Variants in ANO2 observed in about 807,000 individuals in gnomAD.
ANO2 encodes the protein anoctamin-2.
A neutral mutation model predicts 124.2 loss-of-function variants in ANO2; 101 were observed. The ratio of observed to expected loss-of-function variants is 0.81; its 90% CI spans 0.69 to 0.96. The LOEUF (loss-of-function observed/expected upper bound fraction) is 0.96. Ranked by LOEUF, ANO2 falls within the 40% of genes least tolerant of loss-of-function variation. The pLI, the probability that ANO2 is intolerant of heterozygous loss-of-function variation, is 0.00. For missense variants in ANO2, 1,293 were observed against 1,274.5 expected (o/e 1.01, Z -0.22); for synonymous variants, 486 against 482.5 (o/e 1.01, Z -0.09).
At chr12:5,713,691 G>A (rs1949904947) in intron 14 of ANO2, among the ~76,000 whole-genome samples, 1 of 152,192 alleles carries the variant, frequency 6.6e-6, no homozygotes, top group South Asian at 2.1e-4. Flanking sequence ...CTTGTTTATA[G>A]AACTGTTGTT....
intron 4 of ANO2, among the ~76,000 whole-genome samples, chr12:5,843,822 T>C (rs1954600297): frequency 6.6e-6 from 1 of 152,120 alleles, no homozygotes. Flanking sequence ...CATCAATGGG[T>C]TAATCAACCT....
chr12:5,739,138 C>T, intron 13 of ANO2, 179 bp downstream of exon 13: 1 of 706,818 alleles, frequency 1.4e-6, no homozygotes, highest in Non-Finnish European at 2.6e-6. Flanking sequence ...GAACTCTTGG[C>T]CTCAGAGTAG....
At chr12:5,800,856 T>G (rs1953016234) in intron 9 of ANO2, among the ~76,000 whole-genome samples, 1 of 152,150 alleles carries the variant, frequency 6.6e-6, no homozygotes. Flanking sequence ...ATTTGTAAAG[T>G]CATTAAATGA....
At chr12:5,579,773 C>G (rs917415876) in intron 20 of ANO2, among the ~76,000 whole-genome samples, 2 of 152,216 alleles carry the variant, frequency 1.3e-5, no homozygotes, top group Non-Finnish European at 2.9e-5. Context: ...TCCCCAGCAA[C>G]GACCATGGTC....
chr12:5,806,963 C>G (rs1305175143), intron 8 of ANO2, among the ~76,000 whole-genome samples: 2 of 152,188 alleles, frequency 1.3e-5, no homozygotes, highest in African/African-American at 2.4e-5. Context: ...CTTCCACCAC[C>G]ATCCACCACC....
rs769146399 is a variant in ANO2 at position 5,922,824 on chromosome 12, G to C, written c.23-20C>G. ...GTATATCTGTGAGAGGGAAAGACAA[G>C]GGAGGCAAAACAGCCTCAGGTGAAG... On this transcript the variant is annotated intron_variant, in intron 1 of 24. Transcript: ENST00000682330. The C allele has an allele frequency of 6.8e-7, 1 of 1,475,566 alleles. No individual in the cohort carries two copies. Among genetic ancestry groups the C allele is most frequent in the South Asian group, 1.4e-5 (1 of 71,210 alleles). 91.4% of individuals were successfully genotyped at this position (1,475,566 alleles called of 1,614,324 possible). A position where few individuals can be genotyped will look rare whatever the true frequency, so the allele number is the denominator to read the frequency against.
chr12:5,796,492 CACAG>C (rs904808727), intron 10 of ANO2, among the ~76,000 whole-genome samples: 5 of 145,724 alleles, frequency 3.4e-5, no homozygotes, highest in African/African-American at 1.4e-4. Context: ...ACTCACAACA[CACAG>C]AGACACACTC....
chr12:5,837,646 G>A, intron 4 of ANO2, among the ~76,000 whole-genome samples: 1 of 151,884 alleles, frequency 6.6e-6, no homozygotes, highest in East Asian at 1.9e-4. Context: ...CAGAAATAAA[G>A]ATGTTCTTTG....
intron 14 of ANO2, among the ~76,000 whole-genome samples, chr12:5,716,270 G>T (rs981273064): frequency 1.3e-5 from 2 of 152,186 alleles, no homozygotes; most frequent in African/African-American, 4.8e-5. Flanking sequence ...TGAGCCAAAA[G>T]GTGGCCAGAT....
intron 14 of ANO2, among the ~76,000 whole-genome samples, chr12:5,660,852 T>C (rs1947401868): frequency 6.6e-6 from 1 of 152,222 alleles, no homozygotes; most frequent in Non-Finnish European, 1.5e-5. Context: ...TCAGTCGCTG[T>C]GTTGGTCAAA....
chr12:5,685,097 C>T (rs1433867363), intron 14 of ANO2, among the ~76,000 whole-genome samples: 1 of 152,130 alleles, frequency 6.6e-6, no homozygotes, highest in Non-Finnish European at 1.5e-5. Flanking sequence ...CCAGCAACAT[C>T]CTATGCCCAC....
intron 16 of ANO2, among the ~76,000 whole-genome samples, chr12:5,628,687 T>TGTGTGTGC (rs989599957): frequency 6.9e-6 from 1 of 145,890 alleles, no homozygotes; most frequent in Non-Finnish European, 1.5e-5. Flanking sequence ...TGTGTGTGTG[T>TGTGTGTGC]GCGCGCGCGC....
intron 10 of ANO2, among the ~76,000 whole-genome samples, chr12:5,761,462 C>T (rs978060469): frequency 6.6e-6 from 1 of 152,134 alleles, no homozygotes; most frequent in African/African-American, 2.4e-5. Context: ...AAGCAGGTAA[C>T]CTTAACTTAT....
Position 5,931,102 on chromosome 12 carries a change from A to T in ANO2, c.23-8298T>A, listed in dbSNP as rs149705213. 4.4e-3 allele frequency among the ~76,000 whole-genome samples: 666 copies of T among 152,224 alleles called. 5 individuals are homozygous for T. Among genetic ancestry groups the T allele is most frequent in the African/African-American group, 0.013 (545 of 41,544 alleles). Reference sequence around the variant, plus strand: ...CAGCTACTATTACCATTTTGAAACAATCTCACCAAGTTAGTCCCACTCTGT... The same window carrying T: ...CAGCTACTATTACCATTTTGAAACATTCTCACCAAGTTAGTCCCACTCTGT... On this transcript the variant is annotated intron_variant, in intron 1 of 24. Transcript: ENST00000682330.
chr12:5,653,697 C>T (rs562700498), intron 14 of ANO2, among the ~76,000 whole-genome samples: 2 of 152,326 alleles, frequency 1.3e-5, no homozygotes, highest in South Asian at 4.1e-4. Flanking sequence ...AGCTCAAATT[C>T]TTGGCCCTAG....
chr12:5,627,250 T>C (rs1311296248), intron 16 of ANO2, among the ~76,000 whole-genome samples: 1 of 152,124 alleles, frequency 6.6e-6, no homozygotes, highest in Non-Finnish European at 1.5e-5. Context: ...CCAACAAGCA[T>C]AGAATCCCCC....
chr12:5,670,441 C>G (rs1487676161), intron 14 of ANO2, among the ~76,000 whole-genome samples: 3 of 152,120 alleles, frequency 2.0e-5, no homozygotes, highest in African/African-American at 7.2e-5. Flanking sequence ...TGGGAGCTGA[C>G]AATTACTGAA....
chr12:5,773,672 T>C (rs1165990795), intron 10 of ANO2, among the ~76,000 whole-genome samples: 1 of 152,182 alleles, frequency 6.6e-6, no homozygotes, highest in African/African-American at 2.4e-5. Flanking sequence ...GTAATCCTAT[T>C]TGGTAGATGG....
intron 3 of ANO2, among the ~76,000 whole-genome samples, chr12:5,864,714 C>A (rs984458267): frequency 2.0e-5 from 3 of 152,196 alleles, no homozygotes; most frequent in African/African-American, 7.2e-5. Flanking sequence ...CTGGAACAGT[C>A]TCTGTTTATT....
Sources: allele counts gnomAD v4.1 joint callset (sites outside exome capture counted in the v4.1 genomes callset), GRCh38; gene constraint gnomAD v4.1.1; transcripts MANE v1.5; gene names NCBI Gene and HGNC (gene_info 2026-07-23, HGNC 2026-07-21).